The following SDK1 variants were observed in gnomAD, a reference collection of about 807,000 sequenced individuals.
The protein encoded by SDK1 is protein sidekick-1.
A neutral mutation model predicts 245.5 loss-of-function variants in SDK1; 157 were observed. That is an observed-to-expected ratio of 0.64 (90% CI 0.56 to 0.73). The LOEUF (loss-of-function observed/expected upper bound fraction) is 0.73. Ranked by LOEUF, SDK1 falls within the 30% of genes least tolerant of loss-of-function variation. The pLI is 0.00. For missense variants in SDK1, 3,583 were observed against 3,002.3 expected (o/e 1.19, Z -4.52); for synonymous variants, 1,647 against 1,278.5 (o/e 1.29, Z -6.15).
chr7:3,418,058 C>T (rs1779424028), intron 1 of SDK1, among the ~76,000 whole-genome samples: 1 of 143,714 alleles, frequency 7.0e-6, no homozygotes, highest in Non-Finnish European at 1.5e-5. Flanking sequence ...CAGATTACAA[C>T]AAAGGGGTAA....
At chr7:3,659,554 C>T (rs953022368) in intron 4 of SDK1, among the ~76,000 whole-genome samples, 4 of 152,166 alleles carry the variant, frequency 2.6e-5, no homozygotes, top group Non-Finnish European at 5.9e-5. Flanking sequence ...GTGGTACATT[C>T]TCCGAGGAGA....
chr7:3,321,343 A>G (rs1779797162), intron 1 of SDK1, among the ~76,000 whole-genome samples: 1 of 152,148 alleles, frequency 6.6e-6, no homozygotes, highest in African/African-American at 2.4e-5. Context: ...AAAGTACAGT[A>G]CTAATGACAG....
chr7:3,701,079 G>A (rs1198887452), intron 4 of SDK1, among the ~76,000 whole-genome samples: 1 of 151,920 alleles, frequency 6.6e-6, no homozygotes, highest in African/African-American at 2.4e-5. Context: ...AAATTCCAAG[G>A]AATCTATTTA....
intron 5 of SDK1, among the ~76,000 whole-genome samples, chr7:3,939,036 G>C (rs1359135115): frequency 6.6e-6 from 1 of 152,232 alleles, no homozygotes; most frequent in Non-Finnish European, 1.5e-5. Context: ...GCGTTGAGAT[G>C]AAAATGAAGG....
At chr7:4,001,781 C>G (rs908478044) in intron 14 of SDK1, among the ~76,000 whole-genome samples, 1 of 152,190 alleles carries the variant, frequency 6.6e-6, no homozygotes, top group Non-Finnish European at 1.5e-5. Flanking sequence ...ACTCTTTCTT[C>G]CCCCTGTTCT....
chr7:3,856,616 C>A (rs1407639310), intron 5 of SDK1, among the ~76,000 whole-genome samples: 1 of 151,610 alleles, frequency 6.6e-6, no homozygotes, highest in African/African-American at 2.4e-5. Flanking sequence ...CATGGTGAAA[C>A]CCCATGTCTC....
intron 1 of SDK1, among the ~76,000 whole-genome samples, chr7:3,457,589 A>C (rs966850875): frequency 6.6e-6 from 1 of 152,172 alleles, no homozygotes; most frequent in Non-Finnish European, 1.5e-5. Flanking sequence ...GTTGGATTCT[A>C]TGTATTTATG....
At position 3,658,520 on chromosome 7, in the gene SDK1, C is replaced by T. The variant is rs554652163; in HGVS notation, c.713+16415C>T. ...AAAAACTTTATTGAGATGTAATTTA[C>T]CTACCGTAATGTTCACATTTTCACA... is the stretch of plus-strand genomic sequence containing the variant. On this transcript the variant is annotated intron_variant, in intron 4 of 44. Coordinates refer to ENST00000404826, the MANE Select transcript of SDK1 (RefSeq NM_152744.4). Among the ~76,000 whole-genome samples, 11 of 151,436 alleles carry T rather than the reference C, an allele frequency of 7.3e-5. No individual in the cohort carries two copies. The South Asian group carries it at 2.1e-3, about 29-fold the overall frequency.
intron 5 of SDK1, among the ~76,000 whole-genome samples, chr7:3,861,543 C>G (rs577270653): frequency 2.0e-5 from 3 of 152,216 alleles, no homozygotes; most frequent in South Asian, 4.1e-4. Flanking sequence ...AATTTGAACA[C>G]AAATGGGAGA....
At chr7:3,967,274 C>G (rs913633299) in intron 9 of SDK1, 44 bp from the exon 10 acceptor site, 15 of 1,478,092 alleles carry the variant, frequency 1.0e-5, no homozygotes, top group Non-Finnish European at 1.4e-5. Flanking sequence ...ATGTGAGCCT[C>G]TCAGGAACAA....
chr7:3,517,688 C>G (rs1391649306), intron 1 of SDK1, among the ~76,000 whole-genome samples: 3 of 152,138 alleles, frequency 2.0e-5, no homozygotes, highest in Admixed American at 1.3e-4. Flanking sequence ...CATTGTTCTG[C>G]TAAGGCTTTC....
At chr7:3,564,725 C>G (rs1779853854) in intron 1 of SDK1, among the ~76,000 whole-genome samples, 1 of 152,000 alleles carries the variant, frequency 6.6e-6, no homozygotes, top group Non-Finnish European at 1.5e-5. Context: ...TAGTCAAAAG[C>G]TTTCCTCCCA....
chr7:3,864,053 G>A (rs1302598666), intron 5 of SDK1, among the ~76,000 whole-genome samples: 2 of 152,134 alleles, frequency 1.3e-5, no homozygotes, highest in Admixed American at 6.5e-5. Flanking sequence ...CATCCACAGT[G>A]CACACAGGTT....
chr7:3,613,848 C>T (rs1413528046), intron 1 of SDK1, among the ~76,000 whole-genome samples: 2 of 152,084 alleles, frequency 1.3e-5, no homozygotes, highest in Non-Finnish European at 2.9e-5. Flanking sequence ...AGCTGGAGGC[C>T]ATCATTAGCA....
chr7:3,507,075 A>G (rs1398264624), intron 1 of SDK1, among the ~76,000 whole-genome samples: 2 of 152,062 alleles, frequency 1.3e-5, no homozygotes, highest in Non-Finnish European at 2.9e-5. Flanking sequence ...GTGTATTATC[A>G]TATGGTTTGT....
intron 24 of SDK1, 45 bp from the exon 25 acceptor site, chr7:4,113,992 C>A (rs1342026308): frequency 1.3e-6 from 2 of 1,533,646 alleles, no homozygotes; most frequent in African/African-American, 1.4e-5. Flanking sequence ...GTGAGGGTGG[C>A]AGTTCTGAGA....
chr7:4,070,276 G>A (rs1377099338), intron 20 of SDK1, among the ~76,000 whole-genome samples: 3 of 152,260 alleles, frequency 2.0e-5, no homozygotes, highest in African/African-American at 2.4e-5. Context: ...ATGGTCCCTC[G>A]TCACCCTCAT....
chr7:3,965,996 A>G (rs1782055634), intron 9 of SDK1, among the ~76,000 whole-genome samples: 1 of 151,830 alleles, frequency 6.6e-6, no homozygotes, highest in South Asian at 2.1e-4. Context: ...AGGGATAGGC[A>G]GGGGCAGAGG....
At chr7:4,088,368 G>A (rs57960634) in intron 22 of SDK1, among the ~76,000 whole-genome samples, 6,525 of 152,010 alleles carry the variant, frequency 0.043, 367 homozygotes, top group African/African-American at 0.13. Context: ...GGGCTAAAGC[G>A]TCTTCTATCA....
Sources: gnomAD v4.1 joint callset for allele counts (sites outside exome capture counted in the v4.1 genomes callset) on GRCh38, gnomAD v4.1.1 for gene constraint, MANE v1.5 for transcripts, NCBI Gene and HGNC (gene_info 2026-07-23, HGNC 2026-07-21) for gene names.